Variants in TNRC6B observed in about 807,000 individuals in gnomAD.
The protein encoded by TNRC6B is trinucleotide repeat-containing gene 6B protein.
In TNRC6B, 52 loss-of-function variants were observed where a neutral mutation model predicts 203.6. The ratio of observed to expected loss-of-function variants is 0.26; its 90% CI spans 0.20 to 0.32. The LOEUF (loss-of-function observed/expected upper bound fraction) is 0.32, where lower values mean the gene tolerates loss of function less well. TNRC6B is among the 10% of genes least tolerant of loss of function. The probability of loss-of-function intolerance (pLI) is 1.00; values close to 1 mark genes in which losing one functional copy is unlikely to be tolerated. For missense variants in TNRC6B, 1,923 were observed against 2,286.2 expected, an observed-to-expected ratio of 0.84 and a Z score of 3.24; for synonymous variants, 838 against 845.7, an observed-to-expected ratio of 0.99 and a Z score of 0.16.
At chr22:40,270,025 G>T in intron 5 of TNRC6B, 97 bp from the exon 6 acceptor site, 1 of 1,220,552 alleles carries the variant, frequency 8.2e-7, no homozygotes. Flanking sequence ...TCTACCAACA[G>T]AATATAGGCA....
chr22:40,085,422 T>C (rs939195441), intron 1 of TNRC6B, among the ~76,000 whole-genome samples: 2 of 152,244 alleles, frequency 1.3e-5, no homozygotes, highest in African/African-American at 4.8e-5. Flanking sequence ...CAACATAGTA[T>C]CTGGTTAATG....
chr22:40,069,832 C>G (rs761111410), intron 1 of TNRC6B, among the ~76,000 whole-genome samples: 1 of 152,022 alleles, frequency 6.6e-6, no homozygotes, highest in Non-Finnish European at 1.5e-5. Context: ...CTTTTCTATA[C>G]CACACATTTA....
At chr22:40,207,906 A>T (rs1257219947) in intron 1 of TNRC6B, among the ~76,000 whole-genome samples, 1 of 152,032 alleles carries the variant, frequency 6.6e-6, no homozygotes, top group Non-Finnish European at 1.5e-5. Context: ...AGGTCAGGAG[A>T]TAGAGACCAT....
At chr22:40,233,278 C>T (rs1457566559) in intron 1 of TNRC6B, among the ~76,000 whole-genome samples, 1 of 151,754 alleles carries the variant, frequency 6.6e-6, no homozygotes, top group Non-Finnish European at 1.5e-5. Context: ...GCCAAGATCG[C>T]GCCACTGCAC....
At chr22:40,246,143 C>T in intron 2 of TNRC6B, 41 bp downstream of exon 2, 1 of 1,405,574 alleles carries the variant, frequency 7.1e-7, no homozygotes. Context: ...ATCTGCTAGG[C>T]ATCCAGCATC....
At chr22:40,220,011 C>T (rs2069686682) in intron 1 of TNRC6B, among the ~76,000 whole-genome samples, 1 of 152,074 alleles carries the variant, frequency 6.6e-6, no homozygotes, top group African/African-American at 2.4e-5. Flanking sequence ...AGAGGGAGAC[C>T]CTTTGTTTCA....
rs1263346479 is a variant in TNRC6B, at chr22:40,322,743, CAGCTTCT to C, written c.5115-108_5115-102del. On this transcript the variant is annotated intron_variant, in intron 22 of 22. Coordinates refer to ENST00000454349, the MANE Select transcript of TNRC6B (RefSeq NM_001162501.2). ...TTCTAAAAAGCGTTCATGGATATGGCAGCTTCTAGTCAAAGGACTGCACATTGAATGT... is the reference window on the plus strand; with the variant it reads ...TTCTAAAAAGCGTTCATGGATATGGCAGTCAAAGGACTGCACATTGAATGT... 5.5e-6 allele frequency: 7 copies of C among 1,281,234 alleles called. No individual in the cohort carries two copies. In the East Asian group the frequency reaches 1.4e-4, roughly 26 times the overall value. The allele number at this position is 1,281,234 out of a possible 1,614,324, so 79.4% of individuals were successfully genotyped here. A position where few individuals can be genotyped will look rare whatever the true frequency, so the allele number is the denominator to read the frequency against.
chr22:40,261,074 G>A (rs753442401), intron 3 of TNRC6B, among the ~76,000 whole-genome samples: 1 of 151,960 alleles, frequency 6.6e-6, no homozygotes, highest in East Asian at 1.9e-4. Flanking sequence ...GAGTTCAGGA[G>A]TTCGAGACCA....
At chr22:40,240,798 T>C (rs1185868522) in intron 1 of TNRC6B, among the ~76,000 whole-genome samples, 1 of 152,148 alleles carries the variant, frequency 6.6e-6, no homozygotes, top group Non-Finnish European at 1.5e-5. Context: ...CATTTGCATT[T>C]GTTGCTGTAT....
chr22:40,168,758 G>A (rs527504692), intron 4 of TNRC6B, among the ~76,000 whole-genome samples: 2 of 152,158 alleles, frequency 1.3e-5, no homozygotes, highest in South Asian at 2.1e-4. Context: ...TGGTAGTACC[G>A]AAGTTGGTAA....
At chr22:40,075,156 A>ATATATATTTT in intron 1 of TNRC6B, among the ~76,000 whole-genome samples, 4 of 35,566 alleles carry the variant, frequency 1.1e-4, no homozygotes, top group Non-Finnish European at 1.6e-4. Context: ...ATATATATAT[A>ATATATATTTT]TTTTTTTTTT....
rs562523638 is a variant in TNRC6B, at chr22:40,230,140, G to A, written c.6-15875G>A. ...CTTTTTAATTTTGCACATTCTACAA[G>A]TACATGTGTGTTGACATCTCATTGT... On this transcript the variant is annotated intron_variant, in intron 1 of 22. Coordinates refer to ENST00000454349, the MANE Select transcript of TNRC6B (RefSeq NM_001162501.2). Among the ~76,000 whole-genome samples the A allele has an allele frequency of 3.3e-5, 5 of 152,160 alleles. No homozygotes were observed. The South Asian group carries it at 1.0e-3, about 32-fold the overall frequency.
chr22:40,149,439 C>T lies in TNRC6B; in HGVS notation c.46-6676C>T, dbSNP rs868716823. ...ATCCCAGCACTTCGGGAGGCCAAGG[C>T]GGGCAAATCACGAGGTCAGGAGTTT... On this transcript the variant is annotated intron_variant, in intron 3 of 23. Transcript: ENST00000301923. 3.9e-5 allele frequency among the ~76,000 whole-genome samples: 6 copies of T among 151,972 alleles called. No homozygotes were observed. In the East Asian group the frequency reaches 7.7e-4, roughly 20 times the overall value.
intron 7 of TNRC6B, among the ~76,000 whole-genome samples, chr22:40,275,472 A>G (rs906073090): frequency 4.6e-5 from 7 of 152,176 alleles, no homozygotes; most frequent in African/African-American, 1.7e-4. Flanking sequence ...TAAAATACAT[A>G]TAACATATAA....
Position 40,333,702 on chromosome 22 carries a change from C to T in TNRC6B, c.*10461C>T, listed in dbSNP as rs1468780627. 6.6e-6 allele frequency: 1 copy of T among 152,640 alleles called. No individual in the cohort carries two copies. Among genetic ancestry groups the T allele is most frequent in the South Asian group, 2.1e-4 (1 of 4,832 alleles). 9.5% of individuals were successfully genotyped at this position (152,640 alleles called of 1,614,324 possible). ...AAACTTGTGTAAGGAGATGTGCAAACCACCCTGAAAGCCATGTGCATCCTC... is the reference window on the plus strand; with the variant it reads ...AAACTTGTGTAAGGAGATGTGCAAATCACCCTGAAAGCCATGTGCATCCTC... On this transcript the variant is annotated 3_prime_UTR_variant, in exon 23 of 23. Coordinates refer to ENST00000454349, the MANE Select transcript of TNRC6B (RefSeq NM_001162501.2).
At chr22:40,277,654 C>T (rs562707491) in intron 8 of TNRC6B, among the ~76,000 whole-genome samples, 6 of 152,132 alleles carry the variant, frequency 3.9e-5, no homozygotes, top group South Asian at 4.1e-4. Flanking sequence ...TGACAAGTCA[C>T]GAGAAGAAGT....
intron 1 of TNRC6B, among the ~76,000 whole-genome samples, chr22:40,182,282 A>C (rs1316295266): frequency 6.6e-6 from 1 of 152,164 alleles, no homozygotes; most frequent in African/African-American, 2.4e-5. Flanking sequence ...AAGCCAAATA[A>C]TTACCCCATT....
chr22:40,090,079 C>G (rs887169979), intron 1 of TNRC6B, among the ~76,000 whole-genome samples: 16 of 152,142 alleles, frequency 1.1e-4, no homozygotes, highest in Non-Finnish European at 1.6e-4. Context: ...ATCCATTCAC[C>G]TATTGAAGGC....
chr22:40,092,129 G>A (rs1012427178), intron 1 of TNRC6B, among the ~76,000 whole-genome samples: 9 of 152,296 alleles, frequency 5.9e-5, no homozygotes, highest in African/African-American at 1.7e-4. Flanking sequence ...GAGGCCAGGC[G>A]TGTTGGCTCA....
Sources: allele counts gnomAD v4.1 joint callset (sites outside exome capture counted in the v4.1 genomes callset), GRCh38; gene constraint gnomAD v4.1.1; transcripts MANE v1.5; gene names NCBI Gene and HGNC (gene_info 2026-07-23, HGNC 2026-07-21).